The following NSUN6 variants were observed in gnomAD, a reference collection of about 807,000 sequenced individuals.
NSUN6 encodes NOP2/Sun RNA methyltransferase 6.
In NSUN6, 64 loss-of-function variants were observed where a neutral mutation model predicts 58.0. That is an observed-to-expected ratio of 1.10 (90% CI 0.90 to 1.36). The LOEUF (loss-of-function observed/expected upper bound fraction) is 1.36. Among genes scored for constraint, NSUN6 ranks in the 40% most tolerant of loss-of-function variants. NSUN6 has a pLI of 0.00. For missense variants in NSUN6, 701 were observed against 550.1 expected, an observed-to-expected ratio of 1.27 and a Z score of -2.74; for synonymous variants, 231 against 193.9, an observed-to-expected ratio of 1.19 and a Z score of -1.59.
rs151065533 is a variant in NSUN6, at chr10:18,615,667, G to A, written c.421+517C>T. On this transcript the variant is annotated intron_variant, in intron 4 of 10. Coordinates refer to ENST00000377304, the MANE Select transcript of NSUN6 (RefSeq NM_182543.5). ...GACACCATAACTGAGGCCCAGAGAC[G>A]GAATACGTTTTCTACAGATGAAAGC... Among the ~76,000 whole-genome samples, 19 of 152,230 alleles carry A rather than the reference G, an allele frequency of 1.2e-4. No individual in the cohort carries two copies. The East Asian group carries it at 3.3e-3, about 26-fold the overall frequency.
intron 8 of NSUN6, among the ~76,000 whole-genome samples, chr10:18,568,523 C>T (rs930364345): frequency 6.6e-6 from 1 of 151,066 alleles, no homozygotes; most frequent in East Asian, 1.9e-4. Context: ...CTATTCCATT[C>T]CAATCCATTC....
At chr10:18,553,551 G>A (rs1031432988) in intron 8 of NSUN6, among the ~76,000 whole-genome samples, 1 of 150,966 alleles carries the variant, frequency 6.6e-6, no homozygotes, top group South Asian at 2.1e-4. Flanking sequence ...AAGGGAGGAT[G>A]GAATGGAATG....
At chr10:18,628,008 G>A (rs997107507) in intron 3 of NSUN6, among the ~76,000 whole-genome samples, 2 of 152,236 alleles carry the variant, frequency 1.3e-5, no homozygotes, top group African/African-American at 2.4e-5. Flanking sequence ...AAATGTCCCT[G>A]TCTGATAGCT....
At chr10:18,645,250 C>A (rs2059512141) in intron 2 of NSUN6, among the ~76,000 whole-genome samples, 1 of 111,354 alleles carries the variant, frequency 9.0e-6, no homozygotes, top group African/African-American at 3.3e-5. Context: ...GTCAAACAAC[C>A]AGATTGTCCA....
Position 18,598,222 on chromosome 10 carries a change from T to C in NSUN6, c.658-1895A>G, listed in dbSNP as rs184440390. On this transcript the variant is annotated intron_variant, in intron 6 of 10. Transcript: ENST00000377304. ...GAGATCCACCCCTGCCCGCAAAACA[T>C]TGCTCCTAACTCCACCGCCTATCCC... Among the ~76,000 whole-genome samples, 302 of 152,250 alleles carry C rather than the reference T, an allele frequency of 2.0e-3. 4 individuals carry two copies. In the South Asian group the frequency reaches 0.033, roughly 17 times the overall value.
intron 10 of NSUN6, among the ~76,000 whole-genome samples, chr10:18,546,688 G>A (rs536456702): frequency 1.1e-4 from 16 of 152,172 alleles, no homozygotes; most frequent in African/African-American, 3.6e-4. Flanking sequence ...GACCAGCCTG[G>A]CCAACAAGGT....
chr10:18,619,380 C>A (rs2058521214), intron 3 of NSUN6, among the ~76,000 whole-genome samples: 1 of 152,180 alleles, frequency 6.6e-6, no homozygotes, highest in South Asian at 2.1e-4. Flanking sequence ...GCAAGAAAGA[C>A]CTACTTTTAA....
At chr10:18,611,435 T>C (rs1227591192) in intron 5 of NSUN6, among the ~76,000 whole-genome samples, 1 of 152,170 alleles carries the variant, frequency 6.6e-6, no homozygotes, top group Non-Finnish European at 1.5e-5. Context: ...AGGATAAGTT[T>C]ATGTTGGTCT....
chr10:18,554,159 G>A (rs150841966), intron 8 of NSUN6, among the ~76,000 whole-genome samples: 9 of 150,536 alleles, frequency 6.0e-5, no homozygotes, highest in African/African-American at 1.5e-4. Context: ...AAACGAATGC[G>A]GAATGGAATG....
At chr10:18,579,403 G>A (rs910300793) in intron 8 of NSUN6, among the ~76,000 whole-genome samples, 3 of 150,506 alleles carry the variant, frequency 2.0e-5, no homozygotes, top group East Asian at 2.0e-4. Context: ...ATCTCCTGAC[G>A]TCGTGATCCA....
rs570743178 is a variant in NSUN6, at chr10:18,602,824, A to G, written c.658-6497T>C. Reference sequence around the variant, plus strand: ...CGGTGAGGGATGCATTTTTCTCAGCATTTTTTTGAAACTACCAGTTACTCT... The same window carrying G: ...CGGTGAGGGATGCATTTTTCTCAGCGTTTTTTTGAAACTACCAGTTACTCT... On this transcript the variant is annotated intron_variant, in intron 6 of 10. Coordinates refer to ENST00000377304, the MANE Select transcript of NSUN6 (RefSeq NM_182543.5). Among the ~76,000 whole-genome samples the G allele has an allele frequency of 2.3e-4, 35 of 152,204 alleles. 1 individual carries two copies. In the South Asian group the frequency reaches 6.8e-3, roughly 30 times the overall value.
intron 7 of NSUN6, among the ~76,000 whole-genome samples, chr10:18,587,630 G>A (rs748364977): frequency 5.9e-5 from 9 of 152,220 alleles, no homozygotes; most frequent in South Asian, 2.1e-4. Context: ...TGGGTGCAAC[G>A]CACGGACAGC....
intron 3 of NSUN6, among the ~76,000 whole-genome samples, chr10:18,629,520 C>T (rs1399224410): frequency 6.9e-6 from 1 of 144,004 alleles, no homozygotes; most frequent in African/African-American, 2.6e-5. Context: ...ATCTCATGTG[C>T]AGAGACACAC....
intron 3 of NSUN6, among the ~76,000 whole-genome samples, chr10:18,619,624 TC>T (rs2058530237): frequency 6.6e-6 from 1 of 152,210 alleles, no homozygotes; most frequent in Non-Finnish European, 1.5e-5. Flanking sequence ...CCTACTATGT[TC>T]TTTTTTACTT....
chr10:18,639,520 T>A (rs545697034), intron 3 of NSUN6, among the ~76,000 whole-genome samples: 2 of 152,076 alleles, frequency 1.3e-5, no homozygotes, highest in South Asian at 2.1e-4. Flanking sequence ...AAAAAAATTT[T>A]AAAAACAGAT....
At chr10:18,652,924 A>G (rs905259976), upstream of NSUN6, 3 of 985,060 alleles carry the variant, frequency 3.0e-6, no homozygotes, top group Non-Finnish European at 3.6e-6. Flanking sequence ...ATGTTCTCAC[A>G]AATAAAAAGC....
chr10:18,588,192 T>C lies in NSUN6; in HGVS notation c.778-2099A>G, dbSNP rs188225046. Among the ~76,000 whole-genome samples, 12 of 152,326 alleles carry C rather than the reference T, an allele frequency of 7.9e-5. No homozygotes were observed. In the South Asian group the frequency reaches 1.7e-3, roughly 21 times the overall value. On this transcript the variant is annotated intron_variant, in intron 7 of 10. Coordinates refer to ENST00000377304, the MANE Select transcript of NSUN6 (RefSeq NM_182543.5). ...AATTGACCGCAGCACAGCAAAGCAG[T>C]TGTGGCCAGACTGCTTCTCTAGATT...
intron 2 of NSUN6, among the ~76,000 whole-genome samples, chr10:18,644,938 AC>A (rs1441130485): frequency 6.6e-6 from 1 of 151,976 alleles, no homozygotes; most frequent in East Asian, 1.9e-4. Flanking sequence ...CAGGTGGATA[AC>A]CTGAGGTTAG....
intron 8 of NSUN6, 114 bp downstream of exon 8, chr10:18,585,835 C>T (rs2057109650): frequency 1.3e-6 from 1 of 758,258 alleles, no homozygotes; most frequent in Non-Finnish European, 2.1e-6. Flanking sequence ...TGTTAATTAG[C>T]TTGTTTTAAT....
Sources: allele counts gnomAD v4.1 joint callset (sites outside exome capture counted in the v4.1 genomes callset), GRCh38; gene constraint gnomAD v4.1.1; transcripts MANE v1.5; gene names NCBI Gene and HGNC (gene_info 2026-07-23, HGNC 2026-07-21).